The following RBFOX1 variants were observed in gnomAD, a reference collection of about 807,000 sequenced individuals.
RBFOX1 encodes RNA binding fox-1 homolog 1.
In RBFOX1, 8 loss-of-function variants were observed where a neutral mutation model predicts 57.7. That is an observed-to-expected ratio of 0.14 (90% CI 0.08 to 0.25). The LOEUF is 0.25. Ranked by LOEUF, RBFOX1 falls within the 10% of genes least tolerant of loss-of-function variation. The pLI is 1.00. For missense variants in RBFOX1, 611 were observed against 548.5 expected (o/e 1.11, Z -1.14); for synonymous variants, 326 against 222.4 (o/e 1.47, Z -4.15).
intron 4 of RBFOX1, among the ~76,000 whole-genome samples, chr16:7,306,580 C>CGTGTGTGTGTGT (rs58761346): frequency 3.2e-4 from 47 of 149,038 alleles, no homozygotes; most frequent in African/African-American, 1.1e-3. Context: ...GAATGGTGTG[C>CGTGTGTGTGTGT]GTGTGTGTGT....
chr16:6,381,245 A>T (rs116163344), intron 2 of RBFOX1, among the ~76,000 whole-genome samples: 1 of 152,112 alleles, frequency 6.6e-6, no homozygotes, highest in Non-Finnish European at 1.5e-5. Flanking sequence ...TTGCGTAGTG[A>T]TGAGGTCTAA....
intron 1 of RBFOX1, among the ~76,000 whole-genome samples, chr16:6,036,570 C>T (rs2095368163): frequency 2.6e-5 from 4 of 151,476 alleles, no homozygotes; most frequent in Admixed American, 2.6e-4. Context: ...GAAAAATAAT[C>T]TTGGAAAGAA....
At chr16:6,774,966 C>G (rs368089092) in intron 3 of RBFOX1, among the ~76,000 whole-genome samples, 2 of 152,002 alleles carry the variant, frequency 1.3e-5, no homozygotes, top group Non-Finnish European at 2.9e-5. Context: ...CTCATCTCCT[C>G]TTTAAAAAGA....
intron 2 of RBFOX1, among the ~76,000 whole-genome samples, chr16:6,426,088 CTCTCT>C (rs2093918907): frequency 9.3e-5 from 14 of 150,048 alleles, no homozygotes; most frequent in African/African-American, 3.4e-4. Flanking sequence ...TTTTCTCCCT[CTCTCT>C]CTCTCTCTCT....
At chr16:5,709,809 T>TATATATATATATA (rs1555506306) in intron 3 of RBFOX1, among the ~76,000 whole-genome samples, 1 of 14,446 alleles carries the variant, frequency 6.9e-5, no homozygotes, top group African/African-American at 3.2e-4. Context: ...ATCAGTTTCT[T>TATATATATATATA]TATATATATA....
Position 5,257,504 on chromosome 16 carries a change from C to G in RBFOX1, c.219+17399C>G, listed in dbSNP as rs141540405. Among the ~76,000 whole-genome samples, 615 of 152,318 alleles carry G rather than the reference C, an allele frequency of 4.0e-3. 4 individuals carry two copies. The highest frequency in any genetic ancestry group is 0.014 in the African/African-American group (586 of 41,572). On this transcript the variant is annotated intron_variant, in intron 1 of 2. Transcript: ENST00000585867. ...TTCCTTGTTCTGCCTCTCTCCTCCT[C>G]TCCAAGAGATGAATACGTTTGGACC...
intron 14 of RBFOX1, among the ~76,000 whole-genome samples, chr16:7,677,608 T>A (rs2073726807): frequency 2.0e-5 from 3 of 152,166 alleles, no homozygotes; most frequent in Admixed American, 2.0e-4. Context: ...TTTGTATGGT[T>A]GCCTTGAAAA....
intron 4 of RBFOX1, among the ~76,000 whole-genome samples, chr16:7,412,277 T>C (rs1456430025): frequency 6.6e-6 from 1 of 151,918 alleles, no homozygotes; most frequent in Non-Finnish European, 1.5e-5. Flanking sequence ...TAGCCAGGCG[T>C]GGTGGCGTGT....
At chr16:6,512,018 C>G (rs528836601) in intron 2 of RBFOX1, among the ~76,000 whole-genome samples, 3 of 152,074 alleles carry the variant, frequency 2.0e-5, no homozygotes, top group South Asian at 4.2e-4. Flanking sequence ...TACCTGTAAT[C>G]CAAGCCCTCT....
chr16:6,035,121 C>G (rs1258628541), intron 1 of RBFOX1, among the ~76,000 whole-genome samples: 1 of 152,160 alleles, frequency 6.6e-6, no homozygotes, highest in Non-Finnish European at 1.5e-5. Context: ...TAGTAGCACC[C>G]CCTTCACCCA....
chr16:7,709,931 T>A (rs1427822617), intron 15 of RBFOX1: 1 of 1,034,864 alleles, frequency 9.7e-7, no homozygotes, highest in Admixed American at 5.6e-5. Context: ...ATATCAGTCC[T>A]TACCCTAAAA....
chr16:6,738,134 C>T (rs1265234535), intron 3 of RBFOX1, among the ~76,000 whole-genome samples: 1 of 150,678 alleles, frequency 6.6e-6, no homozygotes, highest in African/African-American at 2.4e-5. Flanking sequence ...TAATAGGGAC[C>T]AGATGTAACC....
chr16:6,448,560 C>T (rs1035131304), intron 2 of RBFOX1, among the ~76,000 whole-genome samples: 4 of 152,172 alleles, frequency 2.6e-5, no homozygotes, highest in Admixed American at 2.6e-4. Flanking sequence ...CATTCCTAGA[C>T]TTTACCTGCC....
intron 2 of RBFOX1, among the ~76,000 whole-genome samples, chr16:6,349,177 T>TAG (rs1366363553): frequency 6.6e-6 from 1 of 152,162 alleles, no homozygotes; most frequent in Non-Finnish European, 1.5e-5. Context: ...AGCTGAATTT[T>TAG]AGACAGGTTT....
intron 5 of RBFOX1, among the ~76,000 whole-genome samples, chr16:7,575,089 C>T (rs976988497): frequency 6.6e-6 from 1 of 151,936 alleles, no homozygotes; most frequent in African/African-American, 2.4e-5. Flanking sequence ...GCAGATGTAA[C>T]TAAGGATCAA....
chr16:7,388,243 C>T (rs564505438), intron 4 of RBFOX1, among the ~76,000 whole-genome samples: 2 of 152,284 alleles, frequency 1.3e-5, no homozygotes, highest in Non-Finnish European at 2.9e-5. Context: ...GTGATGGATG[C>T]AGCACTCGGT....
intron 3 of RBFOX1, among the ~76,000 whole-genome samples, chr16:6,724,132 G>A (rs2066601260): frequency 6.6e-6 from 1 of 152,034 alleles, no homozygotes; most frequent in South Asian, 2.1e-4. Context: ...AATGGGATTA[G>A]TGCCATTATA....
intron 2 of RBFOX1, among the ~76,000 whole-genome samples, chr16:5,591,174 C>T (rs11643385): frequency 0.18 from 27,151 of 151,616 alleles, 2,747 homozygotes; most frequent in Non-Finnish European, 0.21. Flanking sequence ...AATACATGCC[C>T]AGTGTACAAA....
rs9939599 is a variant in RBFOX1, at chr16:5,254,436, T to A, written c.219+14331T>A. Among the ~76,000 whole-genome samples the A allele has an allele frequency of 1.2e-3, 183 of 152,304 alleles. 1 individual carries two copies. Among genetic ancestry groups the A allele is most frequent in the African/African-American group, 4.2e-3 (174 of 41,558 alleles). ...AAATACCAGTTTTTCTGACTCGCCT[T>A]TAGTAAAGACCTTAGTTGTCAGTAG... On this transcript the variant is annotated intron_variant, in intron 1 of 2. Transcript: ENST00000585867.
Sources: gnomAD v4.1 joint callset for allele counts (sites outside exome capture counted in the v4.1 genomes callset) on GRCh38, gnomAD v4.1.1 for gene constraint, MANE v1.5 for transcripts, NCBI Gene and HGNC (gene_info 2026-07-23, HGNC 2026-07-21) for gene names.